Variants in GPR158 observed in about 807,000 individuals in gnomAD.
GPR158 encodes G protein-coupled receptor 158, also known as metabotropic glycine receptor.
In GPR158, 30 loss-of-function variants were observed where a neutral mutation model predicts 78.2. That is an observed-to-expected ratio of 0.38 (90% confidence interval 0.29 to 0.52). The LOEUF (loss-of-function observed/expected upper bound fraction) is 0.52, where lower values mean the gene tolerates loss of function less well. Among genes scored for constraint, GPR158 ranks in the 20% least tolerant of loss-of-function variants. The pLI, the probability that GPR158 is intolerant of heterozygous loss-of-function variation, is 0.83. For synonymous variants in GPR158, 581 were observed against 591.1 expected (o/e 0.98, Z 0.25); for missense variants, 1,463 against 1,523.5 (o/e 0.96, Z 0.66).
At chr10:25,484,042 T>C (rs1218540471) in intron 5 of GPR158, among the ~76,000 whole-genome samples, 1 of 152,210 alleles carries the variant, frequency 6.6e-6, no homozygotes, top group Non-Finnish European at 1.5e-5. Flanking sequence ...TATGGGCTTA[T>C]AGAAAAGACC....
At chr10:25,416,188 T>C (rs1382665301) in intron 4 of GPR158, among the ~76,000 whole-genome samples, 1 of 152,150 alleles carries the variant, frequency 6.6e-6, no homozygotes, top group East Asian at 1.9e-4. Context: ...TCACAATTCA[T>C]GTATGCTTCC....
intron 2 of GPR158, among the ~76,000 whole-genome samples, chr10:25,386,858 T>TTG (rs1554799334): frequency 1.3e-5 from 2 of 152,182 alleles, no homozygotes; most frequent in East Asian, 3.9e-4. Context: ...CTAGTAGTTT[T>TTG]TGTGTGTGTG....
In GPR158 at chr10:25,364,965, A is replaced by G. The variant is rs143471788; in HGVS notation, c.1009-30946A>G. ...AGAGCATTTAGAAGGGCTTGCTTTA[A>G]TAATAAAGAATAAATACAGAAATAA... On this transcript the variant is annotated intron_variant, in intron 2 of 10. Transcript: ENST00000376351. Among the ~76,000 whole-genome samples, 1,106 of 151,966 alleles carry G rather than the reference A, an allele frequency of 7.3e-3. 51 individuals are homozygous for G. Among genetic ancestry groups the G allele is most frequent in the Admixed American group, 0.063 (954 of 15,220 alleles).
intron 6 of GPR158, among the ~76,000 whole-genome samples, chr10:25,562,269 G>T (rs947215818): frequency 1.3e-5 from 2 of 149,686 alleles, no homozygotes; most frequent in Non-Finnish European, 2.9e-5. Context: ...TTTTAATTGT[G>T]TCTGCTGTTT....
In GPR158 at chr10:25,250,965, A is replaced by T. The variant is rs934808697; in HGVS notation, c.1008+29808A>T. Among the ~76,000 whole-genome samples, 444 of 151,130 alleles carry T rather than the reference A, an allele frequency of 2.9e-3. 2 individuals are homozygous for T. The highest frequency in any genetic ancestry group is 2.8e-3 in the Non-Finnish European group (189 of 67,820). ...GGGCGTCTAAGTCTCTTTGTAGGTC[A>T]CTCAGGACTTGCTTTATGAATCTGG... On this transcript the variant is annotated intron_variant, in intron 2 of 10. Transcript: ENST00000376351.
At chr10:25,258,739 T>TAACTATAGTTGCATTGTTGC (rs1317335687) in intron 2 of GPR158, among the ~76,000 whole-genome samples, 8 of 152,108 alleles carry the variant, frequency 5.3e-5, no homozygotes, top group Non-Finnish European at 1.0e-4. Context: ...CAACTATAGT[T>TAACTATAGTTGCATTGTTGC]AACTATTGAA....
Position 25,376,021 on chromosome 10 carries a change from A to G in GPR158, c.1009-19890A>G, listed in dbSNP as rs146057052. 7.5e-3 allele frequency among the ~76,000 whole-genome samples: 1,144 copies of G among 151,738 alleles called. 6 individuals are homozygous for G. The highest frequency in any genetic ancestry group is 0.012 in the Non-Finnish European group (785 of 67,638). ...GAATCTTCCAATCCATGAACATAGT[A>G]TGTCTCCTCATTTATATAGGTCTTT... On this transcript the variant is annotated intron_variant, in intron 2 of 10. Transcript: ENST00000376351.
At chr10:25,568,392 GA>G (rs1171311378) in intron 6 of GPR158, among the ~76,000 whole-genome samples, 2 of 152,184 alleles carry the variant, frequency 1.3e-5, no homozygotes, top group African/African-American at 4.8e-5. Context: ...AATAGAGACT[GA>G]AAAGGAGCTA....
At chr10:25,198,198 T>C (rs1852869072) in intron 1 of GPR158, among the ~76,000 whole-genome samples, 1 of 152,236 alleles carries the variant, frequency 6.6e-6, no homozygotes, top group Non-Finnish European at 1.5e-5. Context: ...GCTTACTTCA[T>C]TATATATTTA....
At chr10:25,441,561 T>C (rs1322580547) in intron 4 of GPR158, among the ~76,000 whole-genome samples, 1 of 152,166 alleles carries the variant, frequency 6.6e-6, no homozygotes, top group Non-Finnish European at 1.5e-5. Context: ...CAAAATCTCT[T>C]GTGCAGCCTT....
At chr10:25,412,747 G>A (rs945752999) in intron 4 of GPR158, among the ~76,000 whole-genome samples, 2 of 152,110 alleles carry the variant, frequency 1.3e-5, no homozygotes, top group Non-Finnish European at 2.9e-5. Context: ...TTTACATCAT[G>A]TCTTTGGCCT....
intron 2 of GPR158, among the ~76,000 whole-genome samples, chr10:25,358,272 T>A (rs1855580787): frequency 6.6e-6 from 1 of 152,052 alleles, no homozygotes; most frequent in African/African-American, 2.4e-5. Context: ...ACTTTGGAGT[T>A]AATGCTGAAA....
chr10:25,236,906 C>T (rs1853533964), intron 2 of GPR158, among the ~76,000 whole-genome samples: 1 of 152,028 alleles, frequency 6.6e-6, no homozygotes, highest in Non-Finnish European at 1.5e-5. Flanking sequence ...AGTATTCATA[C>T]AAATGTATAT....
chr10:25,425,667 C>G (rs1564452213), intron 4 of GPR158, among the ~76,000 whole-genome samples: 1 of 152,096 alleles, frequency 6.6e-6, no homozygotes, highest in Non-Finnish European at 1.5e-5. Flanking sequence ...GACTAATACC[C>G]AGAATCTACA....
At chr10:25,457,672 G>A (rs534403929) in intron 4 of GPR158, among the ~76,000 whole-genome samples, 2 of 152,328 alleles carry the variant, frequency 1.3e-5, no homozygotes, top group East Asian at 3.9e-4. Flanking sequence ...GGGTCTGAAA[G>A]ATGAGGAGAA....
At chr10:25,355,837 T>A (rs143715432) in intron 2 of GPR158, among the ~76,000 whole-genome samples, 133 of 152,194 alleles carry the variant, frequency 8.7e-4, no homozygotes, top group Non-Finnish European at 1.4e-3. Flanking sequence ...GCTATGGGTT[T>A]GTGCCCAGGG....
intron 2 of GPR158, among the ~76,000 whole-genome samples, chr10:25,247,707 G>T (rs1853717542): frequency 6.6e-6 from 1 of 151,648 alleles, no homozygotes; most frequent in Non-Finnish European, 1.5e-5. Flanking sequence ...TCTTAATCCA[G>T]TCTATTATTG....
chr10:25,455,679 C>T (rs564944086), intron 4 of GPR158, among the ~76,000 whole-genome samples: 71 of 152,118 alleles, frequency 4.7e-4, no homozygotes, highest in Non-Finnish European at 8.1e-4. Context: ...ATTTGAAAAT[C>T]GTTACTTACT....
intron 8 of GPR158, 54 bp from the exon 9 acceptor site, chr10:25,594,238 G>C (rs1837373754): frequency 1.1e-6 from 1 of 901,222 alleles, no homozygotes; most frequent in Non-Finnish European, 1.9e-6. Context: ...TAATCCTAGT[G>C]TTCTAAGTAG....
Sources: gnomAD v4.1 joint callset for allele counts (sites outside exome capture counted in the v4.1 genomes callset) on GRCh38, gnomAD v4.1.1 for gene constraint, MANE v1.5 for transcripts, NCBI Gene and HGNC (gene_info 2026-07-23, HGNC 2026-07-21) for gene names.